Variants in FMN2 observed in about 807,000 individuals in gnomAD.
FMN2 encodes formin 2.
In FMN2, 51 loss-of-function variants were observed where a neutral mutation model predicts 142.3. The observed-to-expected ratio is 0.36, with a 90% CI of 0.29 to 0.45. The LOEUF (loss-of-function observed/expected upper bound fraction) is 0.45. Ranked by LOEUF, FMN2 falls within the 20% of genes least tolerant of loss-of-function variation. FMN2 has a pLI of 1.00. For missense variants in FMN2, 1,936 were observed against 2,122.8 expected (o/e 0.91, Z 1.73); for synonymous variants, 882 against 869.8 (o/e 1.01, Z -0.25).
At chr1:240,272,359 G>A (rs1368200187) in intron 7 of FMN2, among the ~76,000 whole-genome samples, 2 of 142,352 alleles carry the variant, frequency 1.4e-5, no homozygotes, top group Non-Finnish European at 3.1e-5. Context: ...TTGTGTAAAA[G>A]GTGTGGTTTT....
chr1:240,201,380 G>A (rs1666115174), intron 4 of FMN2, among the ~76,000 whole-genome samples: 1 of 152,200 alleles, frequency 6.6e-6, no homozygotes, highest in African/African-American at 2.4e-5. Flanking sequence ...AGAAGGTGAT[G>A]GTGGAGAACT....
intron 1 of FMN2, among the ~76,000 whole-genome samples, chr1:240,094,653 A>T (rs1468788048): frequency 1.3e-5 from 2 of 152,186 alleles, no homozygotes; most frequent in African/African-American, 4.8e-5. Flanking sequence ...CTTAATTATT[A>T]AATGAAATAG....
rs774080174 is a variant in FMN2, at chr1:240,334,134, T to C, written c.4670T>C (p.Phe1557Ser). The C allele has an allele frequency of 1.2e-6, 2 of 1,603,958 alleles. No homozygotes were observed. The highest frequency in any genetic ancestry group is 1.7e-6 in the Non-Finnish European group (2 of 1,177,452). ...DEDAGKEQCLFPLPEPQDLFQ... is the reference protein window; with the variant it reads ...DEDAGKEQCLSPLPEPQDLFQ... ...GATGCTGGAAAAGAACAGTGCCTCT[T>C]TCCACTGCCAGAACCCCAGGACCTT... is the stretch of plus-strand genomic sequence containing the variant. The change falls in exon 13 of 18, where the codon TTT (phenylalanine) becomes TCT (serine). Residue 1557 changes from phenylalanine (F) to serine (S), a missense_variant. Phe to Ser is a radical substitution (Grantham distance 155). Transcript: ENST00000319653.
intron 14 of FMN2, among the ~76,000 whole-genome samples, chr1:240,373,044 C>T (rs928831224): frequency 2.6e-5 from 4 of 151,956 alleles, no homozygotes; most frequent in African/African-American, 9.7e-5. Flanking sequence ...AAGTAGCGCG[C>T]GTGGTGGTGC....
At chr1:240,438,307 T>C in intron 16 of FMN2, 97 bp downstream of exon 16, 1 of 1,302,922 alleles carries the variant, frequency 7.7e-7, no homozygotes, top group South Asian at 1.4e-5. Flanking sequence ...AAGAAAAAAT[T>C]AGATGGCCCT....
At chr1:240,451,606 G>A (rs143562753) in intron 16 of FMN2, among the ~76,000 whole-genome samples, 2 of 152,124 alleles carry the variant, frequency 1.3e-5, no homozygotes, top group East Asian at 1.9e-4. Flanking sequence ...TCCCCAACAG[G>A]GGCCTCATCC....
At chr1:240,362,116 G>C (rs758146913) in intron 14 of FMN2, among the ~76,000 whole-genome samples, 1 of 152,170 alleles carries the variant, frequency 6.6e-6, no homozygotes, top group Non-Finnish European at 1.5e-5. Context: ...CTGATTTTCT[G>C]AGCTTTTAAC....
rs186277164 is a variant in FMN2 at position 240,445,851 on chromosome 1, A to G, written c.5060+7641A>G. Among the ~76,000 whole-genome samples, 49 of 152,272 alleles carry G rather than the reference A, an allele frequency of 3.2e-4. No individual in the cohort carries two copies. The East Asian group carries it at 8.1e-3, about 25-fold the overall frequency. The stretch of plus-strand genomic sequence containing the variant: ...TATTTTAGTGACCTAATTGAGAGCT[A>G]GGACTCTGCAGACTGGGGTGAAGGC... On this transcript the variant is annotated intron_variant, in intron 16 of 17. Coordinates refer to ENST00000319653, the MANE Select transcript of FMN2 (RefSeq NM_020066.5).
chr1:240,169,073 T>C (rs1218684772), intron 2 of FMN2, among the ~76,000 whole-genome samples: 1 of 152,092 alleles, frequency 6.6e-6, no homozygotes, highest in Non-Finnish European at 1.5e-5. Context: ...TAGCTGGGCG[T>C]GGTGGCACAT....
intron 2 of FMN2, among the ~76,000 whole-genome samples, chr1:240,147,339 T>G (rs1002001714): frequency 5.9e-5 from 9 of 152,250 alleles, no homozygotes; most frequent in Admixed American, 5.9e-4. Context: ...TTCTCCACCC[T>G]CCATAGCCAA....
chr1:240,178,234 T>C lies in FMN2; in HGVS notation c.1930+166T>C, dbSNP rs994481213. ...GGGGTCTTTTCTCTCTTTGTTCCTT[T>C]TGTTGTCTTATTTTGTGTTATTGGC... On this transcript the variant is annotated intron_variant, in intron 3 of 17. Transcript: ENST00000319653. 57 of 758,604 alleles carry C rather than the reference T, an allele frequency of 7.5e-5. No individual in the cohort carries two copies. The East Asian group carries it at 1.6e-3, about 22-fold the overall frequency. 47.0% of individuals were successfully genotyped at this position (758,604 alleles called of 1,614,324 possible). A position where few individuals can be genotyped will look rare whatever the true frequency, so the allele number is the denominator to read the frequency against.
intron 16 of FMN2, among the ~76,000 whole-genome samples, chr1:240,463,197 G>A (rs1484984758): frequency 6.9e-6 from 1 of 145,112 alleles, no homozygotes; most frequent in Non-Finnish European, 1.6e-5. Flanking sequence ...AGTCTGCAGG[G>A]TATGGCACTG....
chr1:240,296,075 C>T (rs1312020744), intron 8 of FMN2, among the ~76,000 whole-genome samples: 3 of 152,162 alleles, frequency 2.0e-5, no homozygotes, highest in Non-Finnish European at 4.4e-5. Context: ...ATGACTTACT[C>T]AGGGTCACAT....
At chr1:240,144,425 G>C in intron 2 of FMN2, 4 of 1,603,566 alleles carry the variant, frequency 2.5e-6, no homozygotes, top group Non-Finnish European at 2.6e-6. Flanking sequence ...CATGATCTCT[G>C]TCAGGTGCTC....
intron 2 of FMN2, among the ~76,000 whole-genome samples, chr1:240,149,300 C>G (rs1663664102): frequency 6.6e-6 from 1 of 152,122 alleles, no homozygotes; most frequent in African/African-American, 2.4e-5. Context: ...AATTACTTTT[C>G]ACAGATTAAT....
intron 2 of FMN2, among the ~76,000 whole-genome samples, chr1:240,132,575 A>G (rs720163): frequency 0.28 from 42,983 of 152,000 alleles, 6,988 homozygotes; most frequent in Middle Eastern, 0.38. Flanking sequence ...CATAGAATGT[A>G]GAAGAGTCAA....
intron 6 of FMN2, among the ~76,000 whole-genome samples, chr1:240,235,438 G>GTC (rs1426749058): frequency 6.6e-6 from 1 of 151,134 alleles, no homozygotes; most frequent in Non-Finnish European, 1.5e-5. Context: ...AGAGATGAGG[G>GTC]TCTCTCTCTG....
At chr1:240,246,929 G>A (rs944493704) in intron 6 of FMN2, among the ~76,000 whole-genome samples, 2 of 152,140 alleles carry the variant, frequency 1.3e-5, no homozygotes, top group African/African-American at 4.8e-5. Context: ...TTAGAAGAGT[G>A]TACTCTCCTC....
chr1:240,203,532 G>A (rs759114095), intron 4 of FMN2, among the ~76,000 whole-genome samples: 3 of 152,130 alleles, frequency 2.0e-5, no homozygotes, highest in Admixed American at 1.3e-4. Flanking sequence ...GCTGGAAGCC[G>A]TTATCCTCAG....
Sources: allele counts gnomAD v4.1 joint callset (sites outside exome capture counted in the v4.1 genomes callset), GRCh38; gene constraint gnomAD v4.1.1; transcripts MANE v1.5; gene names NCBI Gene and HGNC (gene_info 2026-07-23, HGNC 2026-07-21).